The following CDH18 variants were observed in gnomAD, a reference collection of about 807,000 sequenced individuals.
The protein encoded by CDH18 is cadherin 18, also known as cadherin-18.
CDH18 carries 31 observed loss-of-function variants against 67.9 expected under a neutral mutation model. That is an observed-to-expected ratio of 0.46 (90% CI 0.34 to 0.62). The LOEUF is 0.62. Among genes scored for constraint, CDH18 ranks in the 20% least tolerant of loss-of-function variants. The probability of loss-of-function intolerance (pLI) is 0.01; values close to 1 mark genes in which losing one functional copy is unlikely to be tolerated. For synonymous variants in CDH18, 362 were observed against 347.2 expected, an observed-to-expected ratio of 1.04 and a Z score of -0.48; for missense variants, 890 against 975.5, an observed-to-expected ratio of 0.91 and a Z score of 1.17.
At chr5:19,809,922 G>T (rs1420362007) in intron 3 of CDH18, among the ~76,000 whole-genome samples, 1 of 152,078 alleles carries the variant, frequency 6.6e-6, no homozygotes, top group East Asian at 1.9e-4. Flanking sequence ...TTCCAATAGT[G>T]AATAGACAAA....
chr5:20,038,949 C>T (rs754619097), intron 2 of CDH18, among the ~76,000 whole-genome samples: 3 of 152,066 alleles, frequency 2.0e-5, no homozygotes, highest in South Asian at 4.1e-4. Context: ...AAAACCCCAT[C>T]GTTTCAGCCC....
intron 2 of CDH18, among the ~76,000 whole-genome samples, chr5:20,250,639 GT>G (rs145731811): frequency 0.079 from 7,557 of 95,994 alleles, 342 homozygotes; most frequent in East Asian, 0.16. Flanking sequence ...ATCTTGTTCT[GT>G]CGCCCAGGCT....
chr5:20,145,648 C>G (rs1374386703), intron 2 of CDH18, among the ~76,000 whole-genome samples: 1 of 152,140 alleles, frequency 6.6e-6, no homozygotes, highest in Non-Finnish European at 1.5e-5. Context: ...CAAGTAGATA[C>G]AAGTTGACAC....
At chr5:20,418,767 T>C (rs771314735) in intron 1 of CDH18, among the ~76,000 whole-genome samples, 1 of 152,080 alleles carries the variant, frequency 6.6e-6, no homozygotes, top group Non-Finnish European at 1.5e-5. Context: ...TGTGTGTATA[T>C]GCAATGGGCT....
At chr5:20,301,183 T>TTTGTTTG (rs1561952494) in intron 1 of CDH18, among the ~76,000 whole-genome samples, 7 of 142,678 alleles carry the variant, frequency 4.9e-5, no homozygotes, top group African/African-American at 2.7e-5. Flanking sequence ...TTTTTTGTTT[T>TTTGTTTG]TTTGTTTGTT....
intron 1 of CDH18, among the ~76,000 whole-genome samples, chr5:20,441,369 G>T (rs1749593680): frequency 6.6e-6 from 1 of 151,786 alleles, no homozygotes; most frequent in Admixed American, 6.6e-5. Context: ...AATTGCACGT[G>T]TGGGTATTGT....
At chr5:19,576,957 A>G (rs1742419338) in intron 7 of CDH18, among the ~76,000 whole-genome samples, 1 of 152,234 alleles carries the variant, frequency 6.6e-6, no homozygotes, top group Non-Finnish European at 1.5e-5. Flanking sequence ...GTGTGAACGT[A>G]GAGAACATTA....
At chr5:20,191,529 C>A (rs2126718834) in intron 2 of CDH18, among the ~76,000 whole-genome samples, 2 of 152,150 alleles carry the variant, frequency 1.3e-5, no homozygotes, top group East Asian at 3.9e-4. Flanking sequence ...CATCCCCCAA[C>A]AGGCCCTGGT....
chr5:19,812,520 A>G (rs893573366), intron 3 of CDH18, among the ~76,000 whole-genome samples: 4 of 152,194 alleles, frequency 2.6e-5, no homozygotes, highest in African/African-American at 7.2e-5. Context: ...GAGCAATCAC[A>G]ATTGCAAAAA....
intron 3 of CDH18, among the ~76,000 whole-genome samples, chr5:19,799,465 C>T (rs1212608781): frequency 1.3e-5 from 2 of 151,718 alleles, no homozygotes; most frequent in Non-Finnish European, 2.9e-5. Flanking sequence ...CACACACACA[C>T]ACACACACCA....
chr5:20,543,372 A>T (rs1303944903), intron 1 of CDH18, among the ~76,000 whole-genome samples: 1 of 151,970 alleles, frequency 6.6e-6, no homozygotes, highest in African/African-American at 2.4e-5. Flanking sequence ...GTTTCATATT[A>T]GTTATATGAC....
intron 3 of CDH18, among the ~76,000 whole-genome samples, chr5:19,770,622 G>GA (rs56359825): frequency 0.7 from 106,006 of 151,428 alleles, 43,234 homozygotes; most frequent in South Asian, 0.89. Context: ...AAAAAAAAAG[G>GA]AAAAAAAGAA....
intron 2 of CDH18, among the ~76,000 whole-genome samples, chr5:19,880,337 A>C (rs1343054210): frequency 6.6e-6 from 1 of 152,056 alleles, no homozygotes; most frequent in Non-Finnish European, 1.5e-5. Context: ...AACAACAAAT[A>C]CCATTTACAT....
intron 1 of CDH18, among the ~76,000 whole-genome samples, chr5:20,493,700 T>G (rs1168704725): frequency 6.6e-6 from 1 of 152,072 alleles, no homozygotes; most frequent in Non-Finnish European, 1.5e-5. Context: ...TGGTCCTGTG[T>G]GAAAGCATGG....
chr5:19,779,657 G>T (rs1774863310), intron 3 of CDH18, among the ~76,000 whole-genome samples: 1 of 152,146 alleles, frequency 6.6e-6, no homozygotes, highest in South Asian at 2.1e-4. Context: ...TACCAAAGTT[G>T]CACATCTTAC....
intron 1 of CDH18, among the ~76,000 whole-genome samples, chr5:20,395,803 C>T (rs569586252): frequency 2.6e-5 from 4 of 152,094 alleles, no homozygotes; most frequent in East Asian, 2.0e-4. Flanking sequence ...TTTTCAGGCC[C>T]ACCCCTTCCA....
At chr5:20,296,969 G>A (rs1747588888) in intron 1 of CDH18, among the ~76,000 whole-genome samples, 1 of 150,844 alleles carries the variant, frequency 6.6e-6, no homozygotes, top group Non-Finnish European at 1.5e-5. Context: ...ATTATTAACT[G>A]TAAATTTATT....
intron 1 of CDH18, among the ~76,000 whole-genome samples, chr5:20,415,349 T>G (rs537438569): frequency 5.3e-5 from 8 of 150,030 alleles, no homozygotes; most frequent in African/African-American, 2.0e-4. Flanking sequence ...ATCACACCAC[T>G]GCACTCCAAA....
intron 1 of CDH18, among the ~76,000 whole-genome samples, chr5:20,535,266 T>G (rs1456719578): frequency 1.3e-5 from 2 of 152,102 alleles, no homozygotes; most frequent in Non-Finnish European, 2.9e-5. Flanking sequence ...TGTTCCAGCT[T>G]TTAGAAGTCA....
Sources: gnomAD v4.1 joint callset for allele counts (sites outside exome capture counted in the v4.1 genomes callset) on GRCh38, gnomAD v4.1.1 for gene constraint, MANE v1.5 for transcripts, NCBI Gene and HGNC (gene_info 2026-07-23, HGNC 2026-07-21) for gene names.